Variants in ACYP2 observed in about 807,000 individuals in gnomAD.
The protein encoded by ACYP2 is acylphosphatase-2.
Under a neutral mutation model 11.2 loss-of-function variants are expected in ACYP2, and 12 were observed. The ratio of observed to expected loss-of-function variants is 1.08; its 90% CI spans 0.69 to 1.74. The LOEUF (loss-of-function observed/expected upper bound fraction) is 1.74. Among genes scored for constraint, ACYP2 ranks in the 40% most tolerant of loss-of-function variants. The probability of loss-of-function intolerance (pLI) is 0.00; values close to 1 mark genes in which losing one functional copy is unlikely to be tolerated. For missense variants in ACYP2, 134 were observed against 101.9 expected, an observed-to-expected ratio of 1.31 and a Z score of -1.35; for synonymous variants, 43 against 32.2, an observed-to-expected ratio of 1.33 and a Z score of -1.13.
chr2:54,104,163 A>C (rs1338475224), intron 4 of ACYP2, among the ~76,000 whole-genome samples: 2 of 152,244 alleles, frequency 1.3e-5, no homozygotes, highest in African/African-American at 4.8e-5. Context: ...GGCATGTAGA[A>C]TTAGGATTCT....
intron 4 of ACYP2, among the ~76,000 whole-genome samples, chr2:54,092,905 C>A (rs1431363451): frequency 6.6e-6 from 1 of 152,116 alleles, no homozygotes; most frequent in Admixed American, 6.5e-5. Flanking sequence ...TGTCCTCAGC[C>A]AAAGAGAGTT....
At chr2:54,032,901 G>A (rs1217845098) in intron 2 of ACYP2, among the ~76,000 whole-genome samples, 1 of 152,194 alleles carries the variant, frequency 6.6e-6, no homozygotes, top group Non-Finnish European at 1.5e-5. Flanking sequence ...ACTGCCCGAG[G>A]AAAGCATTTC....
intron 4 of ACYP2, among the ~76,000 whole-genome samples, chr2:54,121,411 G>C (rs1680150376): frequency 6.6e-6 from 1 of 152,130 alleles, no homozygotes; most frequent in Admixed American, 6.5e-5. Flanking sequence ...CTCGGTTTCA[G>C]GTTTCACTTG....
In ACYP2 at chr2:54,093,815, C is replaced by G. The variant is rs558064752; in HGVS notation, c.277+36455C>G. Among the ~76,000 whole-genome samples, 3 of 152,262 alleles carry G rather than the reference C, an allele frequency of 2.0e-5. No homozygotes were observed. The South Asian group carries it at 6.2e-4, about 32-fold the overall frequency. Reference sequence around the variant, plus strand: ...ATTAGCCGGGCGTGGTCGTGGGCGCCTGTAGTCCCAGCTACTCCGGAGGCT... The same window carrying G: ...ATTAGCCGGGCGTGGTCGTGGGCGCGTGTAGTCCCAGCTACTCCGGAGGCT... On this transcript the variant is annotated intron_variant, in intron 4 of 6. Coordinates refer to ENST00000607452, the MANE Select transcript of ACYP2 (RefSeq NM_001320586.2).
intron 4 of ACYP2, among the ~76,000 whole-genome samples, chr2:54,129,386 G>A (rs912671497): frequency 1.3e-5 from 2 of 152,004 alleles, no homozygotes; most frequent in African/African-American, 4.8e-5. Context: ...TCCTGCCTCA[G>A]CCTCCCAAAA....
At chr2:54,028,442 A>G (rs922099347) in intron 2 of ACYP2, among the ~76,000 whole-genome samples, 10 of 152,200 alleles carry the variant, frequency 6.6e-5, no homozygotes, top group Admixed American at 1.3e-4. Flanking sequence ...CCTGGCTCTC[A>G]ATCTTATTTT....
intron 2 of ACYP2, among the ~76,000 whole-genome samples, chr2:54,040,344 T>C (rs908639245): frequency 4.6e-5 from 7 of 152,140 alleles, no homozygotes; most frequent in Admixed American, 3.3e-4. Context: ...CTTGTTAAAC[T>C]TGAGATGTCT....
At chr2:54,301,116 A>C (rs1043321181) in intron 6 of ACYP2, among the ~76,000 whole-genome samples, 6 of 152,214 alleles carry the variant, frequency 3.9e-5, no homozygotes, top group Admixed American at 6.5e-5. Flanking sequence ...TATAGTAAGA[A>C]AGTTGCAAAT....
chr2:54,202,297 C>CA (rs1553391601), intron 6 of ACYP2, among the ~76,000 whole-genome samples: 2 of 150,976 alleles, frequency 1.3e-5, no homozygotes, highest in Non-Finnish European at 2.9e-5. Context: ...TCAGTAGAGA[C>CA]GGAGTTTCAC....
At chr2:54,013,275 G>A (rs866058933) in intron 2 of ACYP2, among the ~76,000 whole-genome samples, 2,853 of 133,228 alleles carry the variant, frequency 0.021, 141 homozygotes, top group African/African-American at 0.083. Flanking sequence ...GTGTGTGTGT[G>A]TGTGTGTGTG....
At chr2:54,061,345 T>G (rs1676460880) in intron 4 of ACYP2, among the ~76,000 whole-genome samples, 1 of 152,240 alleles carries the variant, frequency 6.6e-6, no homozygotes, top group Non-Finnish European at 1.5e-5. Context: ...AAACTTCCCC[T>G]TCCCCAATTT....
intron 2 of ACYP2, among the ~76,000 whole-genome samples, chr2:54,035,242 A>G (rs1043037881): frequency 2.0e-5 from 3 of 150,228 alleles, no homozygotes; most frequent in Admixed American, 2.0e-4. Flanking sequence ...GACTCTAACT[A>G]GAGACAATTT....
At chr2:54,245,710 A>ATT (rs201904157) in intron 6 of ACYP2, among the ~76,000 whole-genome samples, 2,561 of 142,896 alleles carry the variant, frequency 0.018, 66 homozygotes, top group African/African-American at 0.062. Flanking sequence ...TTTTAATCAG[A>ATT]TTTTTTTTTT....
chr2:54,061,131 C>T (rs1676449192), intron 4 of ACYP2, among the ~76,000 whole-genome samples: 1 of 152,184 alleles, frequency 6.6e-6, no homozygotes, highest in African/African-American at 2.4e-5. Flanking sequence ...GCTGGGATTA[C>T]AGGCACAAGC....
intron 2 of ACYP2, among the ~76,000 whole-genome samples, chr2:54,017,718 A>G (rs1349991719): frequency 6.6e-6 from 1 of 152,008 alleles, no homozygotes; most frequent in Non-Finnish European, 1.5e-5. Flanking sequence ...CTTTATCCCC[A>G]TCTTGTATTA....
At chr2:54,095,777 C>T (rs1361745714) in intron 4 of ACYP2, among the ~76,000 whole-genome samples, 10 of 126,010 alleles carry the variant, frequency 7.9e-5, no homozygotes, top group Non-Finnish European at 1.2e-4. Context: ...GGCGGCTGGC[C>T]GGGCAGGGGG....
intron 4 of ACYP2, among the ~76,000 whole-genome samples, chr2:54,118,543 A>G (rs888957173): frequency 1.3e-5 from 2 of 152,260 alleles, no homozygotes; most frequent in Non-Finnish European, 2.9e-5. Context: ...ATTTGATTCT[A>G]CATCTCTCTG....
intron 2 of ACYP2, among the ~76,000 whole-genome samples, chr2:54,022,757 A>G (rs1674072788): frequency 6.6e-6 from 1 of 152,216 alleles, no homozygotes; most frequent in Non-Finnish European, 1.5e-5. Flanking sequence ...TCACTGAAGC[A>G]GGTTGTAGGA....
At chr2:54,157,123 T>C (rs1292395603) in intron 6 of ACYP2, among the ~76,000 whole-genome samples, 3 of 152,244 alleles carry the variant, frequency 2.0e-5, no homozygotes, top group African/African-American at 7.2e-5. Flanking sequence ...TTAAATGATG[T>C]GGATTTATGT....
Sources: allele counts gnomAD v4.1 joint callset (sites outside exome capture counted in the v4.1 genomes callset), GRCh38; gene constraint gnomAD v4.1.1; transcripts MANE v1.5; gene names NCBI Gene and HGNC (gene_info 2026-07-23, HGNC 2026-07-21).